The following DNM3 variants were observed in gnomAD, a reference collection of about 807,000 sequenced individuals.
The protein encoded by DNM3 is dynamin 3.
Under a neutral mutation model 101.6 loss-of-function variants are expected in DNM3, and 47 were observed. The ratio of observed to expected loss-of-function variants is 0.46; its 90% CI spans 0.37 to 0.59. The LOEUF (loss-of-function observed/expected upper bound fraction) is 0.59, where lower values mean the gene tolerates loss of function less well. Among genes scored for constraint, DNM3 ranks in the 20% least tolerant of loss-of-function variants. DNM3 has a pLI of 0.00. For missense variants in DNM3, 849 were observed against 1,085.7 expected, an observed-to-expected ratio of 0.78 and a Z score of 3.06; for synonymous variants, 385 against 387.9, an observed-to-expected ratio of 0.99 and a Z score of 0.09.
intron 7 of DNM3, among the ~76,000 whole-genome samples, chr1:172,038,909 T>C (rs2049157484): frequency 6.6e-6 from 1 of 151,156 alleles, no homozygotes; most frequent in Admixed American, 6.6e-5. Context: ...AAGGGTTTAA[T>C]TTAAAAGTTC....
chr1:171,865,973 T>C (rs1280467101), intron 1 of DNM3, among the ~76,000 whole-genome samples: 2 of 152,212 alleles, frequency 1.3e-5, no homozygotes, highest in Non-Finnish European at 2.9e-5. Flanking sequence ...GTCCTCTGTG[T>C]ATTCTCTTAA....
chr1:172,265,691 T>C (rs2062832041), intron 15 of DNM3, among the ~76,000 whole-genome samples: 1 of 152,210 alleles, frequency 6.6e-6, no homozygotes, highest in Admixed American at 6.5e-5. Flanking sequence ...ATGTTTTCTC[T>C]GATAGAAGTA....
At chr1:172,207,106 A>G (rs1171261931) in intron 14 of DNM3, among the ~76,000 whole-genome samples, 1 of 97,212 alleles carries the variant, frequency 1.0e-5, no homozygotes, top group Non-Finnish European at 2.0e-5. Context: ...CCCCAAGTCT[A>G]ACACAGGTCA....
intron 2 of DNM3, among the ~76,000 whole-genome samples, chr1:171,923,248 G>A (rs1013548409): frequency 3.5e-4 from 53 of 152,140 alleles, no homozygotes; most frequent in Non-Finnish European, 4.1e-4. Context: ...TTTGACTTGC[G>A]TTTTCCTAAT....
chr1:172,303,566 A>G (rs2064586936), intron 15 of DNM3, among the ~76,000 whole-genome samples: 1 of 152,180 alleles, frequency 6.6e-6, no homozygotes, highest in Non-Finnish European at 1.5e-5. Flanking sequence ...CAACCCCAAG[A>G]CACATAACTG....
chr1:172,122,155 GAAA>G (rs1341798023), intron 13 of DNM3, among the ~76,000 whole-genome samples: 1 of 152,052 alleles, frequency 6.6e-6, no homozygotes, highest in African/African-American at 2.4e-5. Flanking sequence ...AGGAAAATAG[GAAA>G]AATACAGGGA....
intron 2 of DNM3, among the ~76,000 whole-genome samples, chr1:171,966,063 T>C (rs1487684707): frequency 6.6e-6 from 1 of 152,178 alleles, no homozygotes; most frequent in Non-Finnish European, 1.5e-5. Flanking sequence ...ATATATTTCT[T>C]CTTATGTTGC....
chr1:172,082,350 C>T (rs746602558), intron 12 of DNM3, among the ~76,000 whole-genome samples: 4 of 146,414 alleles, frequency 2.7e-5, no homozygotes, highest in East Asian at 2.0e-4. Context: ...TTAAACTTTG[C>T]GAAATTAGAT....
chr1:172,162,946 A>G (rs2058597266), intron 14 of DNM3, among the ~76,000 whole-genome samples: 1 of 152,118 alleles, frequency 6.6e-6, no homozygotes, highest in Admixed American at 6.5e-5. Flanking sequence ...TTTTCAAGAC[A>G]CTTACATAAG....
chr1:172,287,917 G>A (rs1306878262), intron 15 of DNM3, among the ~76,000 whole-genome samples: 1 of 151,836 alleles, frequency 6.6e-6, no homozygotes, highest in African/African-American at 2.4e-5. Flanking sequence ...TCTAACTCCT[G>A]GGCTCAAGCC....
intron 12 of DNM3, among the ~76,000 whole-genome samples, chr1:172,086,561 A>T (rs2053545237): frequency 6.6e-6 from 1 of 151,642 alleles, no homozygotes; most frequent in Admixed American, 6.6e-5. Context: ...TGAAGGCAAT[A>T]AATTTTTAAT....
intron 17 of DNM3, among the ~76,000 whole-genome samples, chr1:172,335,196 A>AGAT (rs2066365343): frequency 6.6e-6 from 1 of 152,198 alleles, no homozygotes; most frequent in Admixed American, 6.5e-5. Context: ...ACTTTTATAC[A>AGAT]GATAAGACAG....
At chr1:172,237,800 T>G (rs978615661) in intron 14 of DNM3, among the ~76,000 whole-genome samples, 4 of 152,180 alleles carry the variant, frequency 2.6e-5, no homozygotes, top group African/African-American at 9.7e-5. Context: ...ACTGAGAAAC[T>G]TTAGCTGATC....
rs546125104 is a variant in DNM3, at chr1:172,365,434, T to C, written c.1894-13584T>C. 2.6e-5 allele frequency among the ~76,000 whole-genome samples: 4 copies of C among 152,054 alleles called. No individual in the cohort carries two copies. The East Asian group carries it at 7.8e-4, about 30-fold the overall frequency. ...TTCTCAAATAAAAATATTTTTAAAG[T>C]AGTCAGTCATTGATGTTAAGAAATT... On this transcript the variant is annotated intron_variant, in intron 17 of 20. Coordinates refer to ENST00000627582, the MANE Select transcript of DNM3 (RefSeq NM_015569.5).
chr1:172,141,802 A>G (rs544411918), intron 14 of DNM3, among the ~76,000 whole-genome samples: 1 of 152,248 alleles, frequency 6.6e-6, no homozygotes, highest in East Asian at 1.9e-4. Context: ...ACTACAGGAA[A>G]GTGATCAGTG....
chr1:172,199,482 G>A (rs1209917400), intron 14 of DNM3, among the ~76,000 whole-genome samples: 1 of 152,044 alleles, frequency 6.6e-6, no homozygotes, highest in Non-Finnish European at 1.5e-5. Context: ...CTACCTTGTT[G>A]ATCTGTCTAA....
chr1:172,391,966 T>C (rs2069562996), intron 20 of DNM3, among the ~76,000 whole-genome samples: 1 of 152,250 alleles, frequency 6.6e-6, no homozygotes, highest in African/African-American at 2.4e-5. Context: ...TAAGAGCATA[T>C]ATACTTTTAT....
At chr1:172,093,480 T>C (rs984649213) in intron 13 of DNM3, among the ~76,000 whole-genome samples, 4 of 152,224 alleles carry the variant, frequency 2.6e-5, no homozygotes, top group Admixed American at 2.6e-4. Context: ...TTATGTTTTA[T>C]GTGATAATGA....
intron 16 of DNM3, among the ~76,000 whole-genome samples, chr1:172,313,518 C>A (rs1023243793): frequency 6.6e-6 from 1 of 152,034 alleles, no homozygotes; most frequent in Non-Finnish European, 1.5e-5. Flanking sequence ...AATTTAAATT[C>A]CTTGAAACAT....
Sources: allele counts gnomAD v4.1 joint callset (sites outside exome capture counted in the v4.1 genomes callset), GRCh38; gene constraint gnomAD v4.1.1; transcripts MANE v1.5; gene names NCBI Gene and HGNC (gene_info 2026-07-23, HGNC 2026-07-21).